Variants in HIPK2 observed in about 807,000 individuals in gnomAD.
HIPK2 encodes homeodomain-interacting protein kinase 2.
In HIPK2, 27 loss-of-function variants were observed where a neutral mutation model predicts 113.7. The ratio of observed to expected loss-of-function variants is 0.24; its 90% CI spans 0.17 to 0.33. HIPK2 has a LOEUF of 0.33. Among genes scored for constraint, HIPK2 ranks in the 10% least tolerant of loss-of-function variants. HIPK2 has a pLI of 1.00. For synonymous variants in HIPK2, 631 were observed against 642.2 expected, an observed-to-expected ratio of 0.98 and a Z score of 0.26; for missense variants, 1,257 against 1,588.0, an observed-to-expected ratio of 0.79 and a Z score of 3.54.
intron 7 of HIPK2, 122 bp downstream of exon 7, chr7:139,620,279 T>G: frequency 2.2e-6 from 3 of 1,359,634 alleles, no homozygotes; most frequent in Non-Finnish European, 3.0e-6. Flanking sequence ...TGCAAATACT[T>G]TGTTTAGTTG....
chr7:139,656,881 T>A (rs1417871850), intron 2 of HIPK2, among the ~76,000 whole-genome samples: 1 of 152,114 alleles, frequency 6.6e-6, no homozygotes, highest in Non-Finnish European at 1.5e-5. Context: ...CCATTTTTTT[T>A]TTTTCCTGAG....
In HIPK2 at chr7:139,614,325, A is replaced by G; in HGVS notation, c.1951T>C (p.Phe651Leu). The G allele has an allele frequency of 6.4e-7, 1 of 1,557,968 alleles. No homozygotes were observed. ...TAQICARPDP[F>L]QQALIVCPPG... The stretch of plus-strand genomic sequence containing the variant: ...GGACACACGATGAGAGCTTGCTGGA[A>G]CGGGTCAGGCCGGGCACAAATCTGG... The change falls in exon 8 of 15, where the codon TTC (phenylalanine) becomes CTC (leucine). Residue 651 changes from phenylalanine (F) to leucine (L), a missense_variant. This residue lies in a region of HIPK2 where 862 missense variants were observed against 1,004.3 expected (regional missense o/e 0.86). Coordinates refer to ENST00000406875, the MANE Select transcript of HIPK2 (RefSeq NM_022740.5).
Position 139,715,976 on chromosome 7 carries a change from G to T in HIPK2, c.1059C>A (p.Val353=). Residue 353 remains valine, a synonymous_variant, in exon 2 of 15, where the codon GTC becomes GTA. Coordinates refer to ENST00000406875, the MANE Select transcript of HIPK2 (RefSeq NM_022740.5). ...AGTAGGTGGAGCACACAGCCTTGGA[G>T]ACGTGGCTGGCTGAACCAAAGTCGA... is the stretch of plus-strand genomic sequence containing the variant. ...KVIDFGSASH[V]SKAVCSTYLQ... 6.2e-7 allele frequency: 1 copy of T among 1,613,650 alleles called. No homozygotes were observed. Among genetic ancestry groups the T allele is most frequent in the East Asian group, 2.2e-5 (1 of 44,864 alleles).
intron 2 of HIPK2, among the ~76,000 whole-genome samples, chr7:139,668,102 G>C (rs557256392): frequency 2.0e-5 from 3 of 149,946 alleles, no homozygotes; most frequent in Non-Finnish European, 4.4e-5. Flanking sequence ...CTCCAGCCTG[G>C]GTGACAAGCG....
chr7:139,682,612 T>G lies in HIPK2; in HGVS notation c.1103+33320A>C, dbSNP rs558707982. 2.0e-5 allele frequency among the ~76,000 whole-genome samples: 3 copies of G among 152,306 alleles called. No homozygotes were observed. In the South Asian group the frequency reaches 6.2e-4, roughly 32 times the overall value. On this transcript the variant is annotated intron_variant, in intron 2 of 14. Transcript: ENST00000406875. ...CTCAAGAGCAGGAACACTGTTTTAC[T>G]CATCTCCTCCCCACAGCACCCTGCA... is the stretch of plus-strand genomic sequence containing the variant.
chr7:139,588,508 T>C, intron 12 of HIPK2, among the ~76,000 whole-genome samples: 1 of 145,626 alleles, frequency 6.9e-6, no homozygotes, highest in Admixed American at 6.8e-5. Flanking sequence ...ACAGCCAGAC[T>C]GTCTTAAAAA....
intron 1 of HIPK2, among the ~76,000 whole-genome samples, chr7:139,741,258 C>T (rs1003158123): frequency 3.9e-5 from 6 of 152,162 alleles, no homozygotes; most frequent in Non-Finnish European, 7.4e-5. Flanking sequence ...CTGGCTCTCT[C>T]TTTCATTCCC....
intron 1 of HIPK2, among the ~76,000 whole-genome samples, chr7:139,752,173 C>T (rs1459272673): frequency 1.3e-5 from 2 of 152,172 alleles, no homozygotes; most frequent in Non-Finnish European, 2.9e-5. Context: ...CACACACATG[C>T]TCAGAAGCTA....
At chr7:139,671,946 G>T (rs144583515) in intron 2 of HIPK2, among the ~76,000 whole-genome samples, 190 of 152,268 alleles carry the variant, frequency 1.2e-3, no homozygotes, top group African/African-American at 4.1e-3. Context: ...TCAAGGCAAA[G>T]AATTTTTTAA....
At chr7:139,767,878 T>C (rs1327983186) in intron 1 of HIPK2, among the ~76,000 whole-genome samples, 1 of 152,226 alleles carries the variant, frequency 6.6e-6, no homozygotes. Context: ...TGAACCTCAT[T>C]GGGTCAAGGC....
rs1374480280 is a variant in HIPK2, at chr7:139,600,528, A to C, written c.2324T>G (p.Val775Gly). 1 of 1,613,938 alleles carries C rather than the reference A, an allele frequency of 6.2e-7. No individual in the cohort carries two copies. The highest frequency in any genetic ancestry group is 8.5e-7 in the Non-Finnish European group (1 of 1,179,912). The change falls in exon 11 of 15, where the codon GTG becomes GGG. Residue 775 changes from valine (V) to glycine (G), a missense_variant. Transcript: ENST00000406875. ...MQQPALLTGHVTLPAAQPLNV... is the reference protein window; with the variant it reads ...MQQPALLTGHGTLPAAQPLNV... ...TAAGGGCTGTGCTGCTGGAAGGGTC[A>C]CATGACCGGTCAATAGTGCAGGCTG...
At chr7:139,678,847 T>G (rs1802600457) in intron 2 of HIPK2, among the ~76,000 whole-genome samples, 1 of 152,204 alleles carries the variant, frequency 6.6e-6, no homozygotes, top group African/African-American at 2.4e-5. Context: ...TGAGCAGTGG[T>G]TTGTAGTTCT....
At position 139,635,771 on chromosome 7, in the gene HIPK2, A is replaced by G. The variant is rs1800791293; in HGVS notation, c.1104-4046T>C. Among the ~76,000 whole-genome samples, 4 of 152,360 alleles carry G rather than the reference A, an allele frequency of 2.6e-5. No homozygotes were observed. The South Asian group carries it at 8.3e-4, about 32-fold the overall frequency. On this transcript the variant is annotated intron_variant, in intron 2 of 14. Coordinates refer to ENST00000406875, the MANE Select transcript of HIPK2 (RefSeq NM_022740.5). ...GAGTCGAATACAAAACGTGTGTCACAGAAAGACACAGACATAAAAATCGAG... is the reference window on the plus strand; with the variant it reads ...GAGTCGAATACAAAACGTGTGTCACGGAAAGACACAGACATAAAAATCGAG...
At chr7:139,583,590 G>T in intron 13 of HIPK2, 1 of 585,486 alleles carries the variant, frequency 1.7e-6, no homozygotes, top group Non-Finnish European at 3.0e-6. Flanking sequence ...TGTAAAGGCA[G>T]AGAGGTATTG....
intron 13 of HIPK2, among the ~76,000 whole-genome samples, chr7:139,579,380 T>A (rs1798593901): frequency 6.6e-6 from 1 of 152,210 alleles, no homozygotes; most frequent in Non-Finnish European, 1.5e-5. Flanking sequence ...CTCAATGAAG[T>A]ATCCTATGGG....
intron 4 of HIPK2, among the ~76,000 whole-genome samples, chr7:139,629,506 GCA>G (rs1370444223): frequency 3.9e-5 from 6 of 152,202 alleles, no homozygotes; most frequent in Non-Finnish European, 7.3e-5. Flanking sequence ...ACATTAGGTA[GCA>G]CAGTTACTAT....
chr7:139,625,032 A>T (rs1441046627), intron 6 of HIPK2, among the ~76,000 whole-genome samples: 2 of 152,186 alleles, frequency 1.3e-5, no homozygotes, highest in African/African-American at 4.8e-5. Flanking sequence ...TACTTCTGAG[A>T]AGCAGAAGCT....
chr7:139,695,434 T>C (rs1164972745), intron 2 of HIPK2, among the ~76,000 whole-genome samples: 1 of 152,024 alleles, frequency 6.6e-6, no homozygotes, highest in Non-Finnish European at 1.5e-5. Context: ...CACCATGAAA[T>C]GGGAAATGGG....
At chr7:139,633,095 C>CAAAAAAAAAAAAAAAAAA (rs942820284) in intron 2 of HIPK2, among the ~76,000 whole-genome samples, 6 of 74,606 alleles carry the variant, frequency 8.0e-5, no homozygotes, top group African/African-American at 2.3e-4. Flanking sequence ...GACCCTGTCT[C>CAAAAAAAAAAAAAAAAAA]AAAAAAAAAA....
Sources: allele counts gnomAD v4.1 joint callset (sites outside exome capture counted in the v4.1 genomes callset), GRCh38; gene constraint gnomAD v4.1.1; regional missense constraint gnomAD v4.1.1; transcripts MANE v1.5; gene names NCBI Gene and HGNC (gene_info 2026-07-23, HGNC 2026-07-21).